The following LRRD1 variants were observed in gnomAD, a reference collection of about 807,000 sequenced individuals.
LRRD1 encodes the protein leucine-rich repeat and death domain-containing protein 1.
In LRRD1, 49 loss-of-function variants were observed where a neutral mutation model predicts 69.5. That is an observed-to-expected ratio of 0.70 (90% CI 0.56 to 0.89). The LOEUF is 0.89. Among genes scored for constraint, LRRD1 ranks in the 40% least tolerant of loss-of-function variants. The pLI is 0.00. For synonymous variants in LRRD1, 303 were observed against 338.9 expected, an observed-to-expected ratio of 0.89 and a Z score of 1.16; for missense variants, 853 against 956.0, an observed-to-expected ratio of 0.89 and a Z score of 1.42.
intron 1 of LRRD1, among the ~76,000 whole-genome samples, chr7:92,165,870 A>T: frequency 6.7e-6 from 1 of 149,814 alleles, no homozygotes; most frequent in East Asian, 1.9e-4. Flanking sequence ...TCAAAAAAAA[A>T]AAAAAAAAAA....
intron 3 of LRRD1, among the ~76,000 whole-genome samples, chr7:92,157,112 C>T (rs969755695): frequency 6.7e-6 from 1 of 149,050 alleles, no homozygotes; most frequent in Non-Finnish European, 1.5e-5. Flanking sequence ...CTTACTGCAG[C>T]CTCAAACTCC....
downstream of LRRD1, chr7:92,142,873 A>C (rs1398602264): frequency 2.7e-6 from 1 of 364,296 alleles, no homozygotes; most frequent in Non-Finnish European, 5.4e-6. Context: ...TGTGGACCCA[A>C]AGAGAGAGCA....
chr7:92,142,387 T>G (rs1366224558), downstream of LRRD1: 9 of 448,430 alleles, frequency 2.0e-5, no homozygotes, highest in Middle Eastern at 1.6e-3. Flanking sequence ...GTTCTGTCTC[T>G]CTCTTGGCAT....
chr7:92,146,176 T>G lies in LRRD1; in HGVS notation c.2303A>C (p.Lys768Thr). Residue 768 changes from lysine to threonine, a missense_variant, in exon 5 of 6, where the codon AAG becomes ACG. Lys to Thr is a moderately conservative substitution (Grantham distance 78). Coordinates refer to ENST00000458448, the MANE Select transcript of LRRD1 (RefSeq NM_001161528.2). ...TTCAGTGATGTTGTTGGCAACTATC[T>G]TGAATATCTTCTCTAAAATTTTCTC... is the stretch of plus-strand genomic sequence containing the variant. ...RDEKILEKIF[K>T]IVANNITETN... is the part of the protein sequence containing the mutation. 6.6e-7 allele frequency: 1 copy of G among 1,517,224 alleles called. No homozygotes were observed. The allele number at this position is 1,517,224 out of a possible 1,614,324, so 94.0% of individuals were successfully genotyped here. A position where few individuals can be genotyped will look rare whatever the true frequency, so the allele number is the denominator to read the frequency against.
At chr7:92,176,809 C>T (rs1405409793) in intron 1 of LRRD1, among the ~76,000 whole-genome samples, 3 of 151,720 alleles carry the variant, frequency 2.0e-5, no homozygotes, top group Admixed American at 6.6e-5. Flanking sequence ...GTGATCCACT[C>T]GCCTCAGCCT....
chr7:92,165,308 A>T, intron 1 of LRRD1, 32 bp from the exon 2 acceptor site: 1 of 538,656 alleles, frequency 1.9e-6, no homozygotes, highest in Non-Finnish European at 3.0e-6. Flanking sequence ...TAAAAGATGT[A>T]AGAGATGTCA....
intron 1 of LRRD1, 47 bp downstream of exon 1, chr7:92,178,960 G>C (rs1789257606): frequency 6.6e-6 from 1 of 152,256 alleles, no homozygotes; most frequent in Non-Finnish European, 1.5e-5. Context: ...AGAGAATCTG[G>C]GCGTGGCTTA....
At position 92,177,640 on chromosome 7, in the gene LRRD1, A is replaced by G. The variant is rs116700299; in HGVS notation, c.-75+1367T>C. On this transcript the variant is annotated intron_variant, in intron 1 of 5. Coordinates refer to ENST00000458448, the MANE Select transcript of LRRD1 (RefSeq NM_001161528.2). ...TTTATGTTCTAGTCAGCTGTCTTCC[A>G]TAGAATAAGGGGACTGTATACTTGT... Among the ~76,000 whole-genome samples, 777 of 152,328 alleles carry G rather than the reference A, an allele frequency of 5.1e-3. 11 individuals carry two copies. Among genetic ancestry groups the G allele is most frequent in the African/African-American group, 0.018 (751 of 41,582 alleles).
At position 92,144,979 on chromosome 7, in the gene LRRD1, T is replaced by G. The variant is rs1820281175; in HGVS notation, c.2492A>C (p.Gln831Pro). The G allele has an allele frequency of 6.5e-7, 1 of 1,546,714 alleles. No homozygotes were observed. Among genetic ancestry groups the G allele is most frequent in the Non-Finnish European group, 8.7e-7 (1 of 1,143,752 alleles). Reference protein sequence around the residue: ...LSLTAAALRDQLIRALTMIGA... With the variant: ...LSLTAAALRDPLIRALTMIGA... ...TATCATAGTTAGTGCTCGAATTAGT[T>G]GATCTCTTAAAGCAGCAGCAGTTAG... Residue 831 changes from glutamine to proline, a missense_variant, in exon 6 of 6, where the codon CAA becomes CCA. Gln to Pro is a moderately conservative substitution (Grantham distance 76). Coordinates refer to ENST00000458448, the MANE Select transcript of LRRD1 (RefSeq NM_001161528.2).
chr7:92,163,694 A>G lies in LRRD1; in HGVS notation c.1509T>C (p.Pro503=). ...GTTGTTTACTGAAAGATATATCCACAGGTATTTCTGAAATATAATTTCCAT... is the reference window on the plus strand; with the variant it reads ...GTTGTTTACTGAAAGATATATCCACGGGTATTTCTGAAATATAATTTCCAT... The part of the protein sequence containing the change: ...SVNGNYISEI[P]VDISFSKQLL... The change falls in exon 2 of 6, where the codon CCT becomes CCC. Residue 503 remains proline, a synonymous_variant. Transcript: ENST00000458448. 1 of 1,499,768 alleles carries G rather than the reference A, an allele frequency of 6.7e-7. No homozygotes were observed. The highest frequency in any genetic ancestry group is 8.9e-7 in the Non-Finnish European group (1 of 1,127,444). 92.9% of individuals were successfully genotyped at this position (1,499,768 alleles called of 1,614,324 possible). A position where few individuals can be genotyped will look rare whatever the true frequency, so the allele number is the denominator to read the frequency against.
At chr7:92,162,802 AAAG>A (rs1196344691) in intron 2 of LRRD1, among the ~76,000 whole-genome samples, 1 of 152,230 alleles carries the variant, frequency 6.6e-6, no homozygotes, top group Non-Finnish European at 1.5e-5. Flanking sequence ...TTGGTTAAAA[AAAG>A]AAGAATTTAA....
At chr7:92,147,306 G>C (rs962139700) in intron 4 of LRRD1, among the ~76,000 whole-genome samples, 9 of 152,106 alleles carry the variant, frequency 5.9e-5, no homozygotes, top group African/African-American at 1.7e-4. Flanking sequence ...GACCTCAGGT[G>C]ATCCGCCCTC....
At chr7:92,176,882 C>T (rs190279659) in intron 1 of LRRD1, among the ~76,000 whole-genome samples, 1 of 150,952 alleles carries the variant, frequency 6.6e-6, no homozygotes, top group East Asian at 1.9e-4. Flanking sequence ...GATTATTAAG[C>T]ATGAGGCATT....
intron 1 of LRRD1, 133 bp from the exon 2 acceptor site, chr7:92,165,409 TATATATA>T (rs1788885721): frequency 3.5e-6 from 1 of 285,878 alleles, no homozygotes; most frequent in African/African-American, 2.2e-5. Flanking sequence ...AAACTAATTT[TATATATA>T]ATTCCTGATT....
Position 92,163,309 on chromosome 7 carries a change from T to TATTC in LRRD1, c.1890_1893dup (p.Ile632GlufsTer19). ...ACCTTTCTCCCTTTTATCTGACTTA[T>TATTC]ATTCAGCTGTTCCAGTGATTGAAGT... On this transcript the variant is annotated frameshift_variant, in exon 2 of 6. Coordinates refer to ENST00000458448, the MANE Select transcript of LRRD1 (RefSeq NM_001161528.2). LOFTEE classifies it high-confidence loss of function. 2 of 1,497,954 alleles carry TATTC rather than the reference T, an allele frequency of 1.3e-6. No individual in the cohort carries two copies. The highest frequency in any genetic ancestry group is 1.8e-6 in the Non-Finnish European group (2 of 1,125,602). The allele number at this position is 1,497,954 out of a possible 1,614,324, so 92.8% of individuals were successfully genotyped here.
At position 92,176,961 on chromosome 7, in the gene LRRD1, T is replaced by A. The variant is rs1554484101; in HGVS notation, c.-75+2046A>T. Among the ~76,000 whole-genome samples, 19 of 148,338 alleles carry A rather than the reference T, an allele frequency of 1.3e-4. No individual in the cohort carries two copies. In the East Asian group the frequency reaches 1.6e-3, roughly 12 times the overall value. ...TTGTGTGTGTATATATATATATATA[T>A]AAAACAAGAATATATTACTTGTATA... On this transcript the variant is annotated intron_variant, in intron 1 of 5. Transcript: ENST00000458448.
chr7:92,147,094 C>A (rs1820346806), intron 4 of LRRD1, among the ~76,000 whole-genome samples: 1 of 142,280 alleles, frequency 7.0e-6, no homozygotes, highest in African/African-American at 2.6e-5. Context: ...GACAGAGTTT[C>A]ACTCTTGTTG....
chr7:92,149,856 A>G (rs1297764664), intron 4 of LRRD1: 73 of 451,644 alleles, frequency 1.6e-4, no homozygotes, highest in Admixed American at 1.6e-3. Flanking sequence ...CGCAACTCCA[A>G]ATGTCTTTTA....
At chr7:92,161,549 A>G (rs1384628924) in intron 2 of LRRD1, among the ~76,000 whole-genome samples, 1 of 152,248 alleles carries the variant, frequency 6.6e-6, no homozygotes, top group African/African-American at 2.4e-5. Flanking sequence ...AAATCTATGC[A>G]TGAAGTGAGT....
Sources: gnomAD v4.1 joint callset for allele counts (sites outside exome capture counted in the v4.1 genomes callset) on GRCh38, gnomAD v4.1.1 for gene constraint, MANE v1.5 for transcripts, NCBI Gene and HGNC (gene_info 2026-07-23, HGNC 2026-07-21) for gene names.